Variants in CCER1 observed in about 807,000 individuals in gnomAD.
The protein encoded by CCER1 is coiled-coil domain-containing glutamate-rich protein 1.
For synonymous variants in CCER1, 246 were observed against 213.8 expected (o/e 1.15, Z -1.31); for missense variants, 573 against 524.5 (o/e 1.09, Z -0.90).
rs750273377 is a variant in CCER1 at position 90,953,741 on chromosome 12, C to A, written c.1002G>T (p.Glu334Asp). The change falls in exon 1 of 1, where the codon GAG becomes GAT. Residue 334 changes from glutamate (E) to aspartate (D), a missense_variant. Coordinates refer to ENST00000358859, the MANE Select transcript of CCER1 (RefSeq NM_152638.4). ...EAEYVEEGEE[E>D]LEEEELEEEE... ...CCTCTTCCAGCTCCTCCTCTTCCAG[C>A]TCCTCCTCTCCCTCCTCCACATATT... 2 of 1,583,160 alleles carry A rather than the reference C, an allele frequency of 1.3e-6. No homozygotes were observed. The highest frequency in any genetic ancestry group is 1.7e-6 in the Non-Finnish European group (2 of 1,151,898).
At position 90,955,097 on chromosome 12, in the gene CCER1, G is replaced by A. The variant is rs1015784622; in HGVS notation, c.-355C>T. 7 of 345,324 alleles carry A rather than the reference G, an allele frequency of 2.0e-5. No homozygotes were observed. Among genetic ancestry groups the A allele is most frequent in the Admixed American group, 1.4e-4 (3 of 22,066 alleles). 21.4% of individuals were successfully genotyped at this position (345,324 alleles called of 1,614,324 possible). A position where few individuals can be genotyped will look rare whatever the true frequency, so the allele number is the denominator to read the frequency against. On this transcript the variant is annotated 5_prime_UTR_variant, in exon 1 of 1. Coordinates refer to ENST00000358859, the MANE Select transcript of CCER1 (RefSeq NM_152638.4). ...CTCTGCTGAGGCACGGGCTGGGGCC[G>A]GGGGAGGCAGGGGTTGCGCAGTTAC...
chr12:90,953,314 G>A lies in CCER1; in HGVS notation c.*208C>T. The A allele has an allele frequency of 2.1e-6, 1 of 477,212 alleles. No homozygotes were observed. Among genetic ancestry groups the A allele is most frequent in the East Asian group, 3.3e-5 (1 of 30,144 alleles). 29.6% of individuals were successfully genotyped at this position (477,212 alleles called of 1,614,324 possible). On this transcript the variant is annotated 3_prime_UTR_variant, in exon 1 of 1. Transcript: ENST00000358859. ...AATACTTGGCCTTTAATCAGTTCCA[G>A]TAAAATTATATTTGAAAGCTTCCCC...
chr12:90,953,646 G>A lies in CCER1; in HGVS notation c.1097C>T (p.Ser366Leu). The A allele has an allele frequency of 5.6e-6, 9 of 1,614,124 alleles. No homozygotes were observed. The highest frequency in any genetic ancestry group is 7.6e-6 in the Non-Finnish European group (9 of 1,180,022). ...CTTTTCTTCAGCCTCTACGAAGATTGATAAAGGCATTTCCAGAGGCAAGTG... is the reference window on the plus strand; with the variant it reads ...CTTTTCTTCAGCCTCTACGAAGATTAATAAAGGCATTTCCAGAGGCAAGTG... The part of the protein sequence containing the change: ...EFHLPLEMPL[S>L]IFVEAEEKRE... The change falls in exon 1 of 1, where the codon TCA becomes TTA. Residue 366 changes from serine (S) to leucine (L), a missense_variant. Transcript: ENST00000358859.
In CCER1 at chr12:90,954,435, G is replaced by A. The variant is rs1876584348; in HGVS notation, c.308C>T (p.Pro103Leu). 3 of 1,611,398 alleles carry A rather than the reference G, an allele frequency of 1.9e-6. No homozygotes were observed. Among genetic ancestry groups the A allele is most frequent in the African/African-American group, 1.3e-5 (1 of 74,866 alleles). The change falls in exon 1 of 1, where the codon CCC (proline) becomes CTC (leucine). Residue 103 changes from proline (P) to leucine (L), a missense_variant. Pro to Leu is a moderately conservative substitution (Grantham distance 98). Coordinates refer to ENST00000358859, the MANE Select transcript of CCER1 (RefSeq NM_152638.4). ...CACCCGAAACACTTGCACCGGGCAGGGGAATTTCCAGAATCCTGGAGGGGG... is the reference window on the plus strand; with the variant it reads ...CACCCGAAACACTTGCACCGGGCAGAGGAATTTCCAGAATCCTGGAGGGGG... The part of the protein sequence containing the change: ...RPPPPGFWKF[P>L]CPVQVFRVYG...
rs776881002 is a variant in CCER1 at position 90,953,939 on chromosome 12, G to GT, written c.803dup (p.Asn268LysfsTer18). ...CCACCAGCAGCGGGGCAAGAGACTG[G>GT]TTTTCCTCTGGGTTGGGACTGAATG... On this transcript the variant is annotated frameshift_variant, in exon 1 of 1. Transcript: ENST00000358859. LOFTEE classifies it low-confidence loss of function (END_TRUNC). 1.9e-5 allele frequency: 31 copies of GT among 1,614,156 alleles called. No individual in the cohort carries two copies. The Admixed American group carries it at 4.2e-4, about 22-fold the overall frequency.
chr12:90,953,587 G>A lies in CCER1; in HGVS notation c.1156C>T (p.Pro386Ser). 4 of 1,613,980 alleles carry A rather than the reference G, an allele frequency of 2.5e-6. No homozygotes were observed. The highest frequency in any genetic ancestry group is 2.5e-6 in the Non-Finnish European group (3 of 1,179,976). The stretch of plus-strand genomic sequence containing the variant: ...GGCACTTTGGGAATTATCTGCTCTG[G>A]GTTTAAAAAAGTGCAGCTTATAAAG... ...ENFISCTFLNPEQIIPKVPQE... is the reference protein window; with the variant it reads ...ENFISCTFLNSEQIIPKVPQE... The change falls in exon 1 of 1, where the codon CCA becomes TCA. Residue 386 changes from proline to serine, a missense_variant. Pro to Ser is a moderately conservative substitution (Grantham distance 74). Transcript: ENST00000358859.
rs1264208089 is a variant in CCER1 at position 90,954,413 on chromosome 12, C to T, written c.330G>A (p.Arg110=). ...WKFPCPVQVF[R]VYGLHPLCFC... ...AGCAGAGAGGGTGCAGGCCATACAC[C>T]CGAAACACTTGCACCGGGCAGGGGA... Residue 110 remains arginine, a synonymous_variant, in exon 1 of 1, where the codon CGG becomes CGA. Transcript: ENST00000358859. The T allele has an allele frequency of 6.2e-7, 1 of 1,612,328 alleles. No homozygotes were observed. Among genetic ancestry groups the T allele is most frequent in the South Asian group, 1.1e-5 (1 of 91,038 alleles).
At position 90,953,289 on chromosome 12, in the gene CCER1, A is replaced by C; in HGVS notation, c.*233T>G. 1 of 410,388 alleles carries C rather than the reference A, an allele frequency of 2.4e-6. No individual in the cohort carries two copies. Among genetic ancestry groups the C allele is most frequent in the Non-Finnish European group, 4.3e-6 (1 of 234,946 alleles). The allele number at this position is 410,388 out of a possible 1,614,324, so 25.4% of individuals were successfully genotyped here. A position where few individuals can be genotyped will look rare whatever the true frequency, so the allele number is the denominator to read the frequency against. On this transcript the variant is annotated 3_prime_UTR_variant, in exon 1 of 1. Coordinates refer to ENST00000358859, the MANE Select transcript of CCER1 (RefSeq NM_152638.4). ...GAAAATATTCAAATGGTAGTAATAAAATACTTGGCCTTTAATCAGTTCCAG... is the reference window on the plus strand; with the variant it reads ...GAAAATATTCAAATGGTAGTAATAACATACTTGGCCTTTAATCAGTTCCAG...
Position 90,954,651 on chromosome 12 carries a change from G to T in CCER1, c.92C>A (p.Ser31Tyr). Residue 31 changes from serine to tyrosine, a missense_variant, in exon 1 of 1, where the codon TCC becomes TAC. Ser to Tyr is a moderately radical substitution (Grantham distance 144). Transcript: ENST00000358859. ...GCGCGWAHSA[S>Y]LSSWSSCHRR... The stretch of plus-strand genomic sequence containing the variant: ...ATGGCAGGACGACCAGGAGCTCAAG[G>T]AGGCCGAGTGTGCCCAGCCACAGCC... 6.2e-7 allele frequency: 1 copy of T among 1,603,952 alleles called. No individual in the cohort carries two copies. Among genetic ancestry groups the T allele is most frequent in the Non-Finnish European group, 8.5e-7 (1 of 1,176,280 alleles).
rs1275326921 is a variant in CCER1, at chr12:90,952,435, TTA to T, written c.*1085_*1086del. The T allele has an allele frequency of 6.6e-6, 1 of 152,238 alleles. No individual in the cohort carries two copies. The highest frequency in any genetic ancestry group is 1.5e-5 in the Non-Finnish European group (1 of 68,036). 9.4% of individuals were successfully genotyped at this position (152,238 alleles called of 1,614,324 possible). ...TGGAAATATGCTATGGATGGAACTT[TTA>T]TCAACTGTCCAGGAAGAAATGTATT... is the stretch of plus-strand genomic sequence containing the variant. On this transcript the variant is annotated 3_prime_UTR_variant, in exon 1 of 1. Transcript: ENST00000358859.
In CCER1 at chr12:90,953,643, A is replaced by T. The variant is rs751135601; in HGVS notation, c.1100T>A (p.Ile367Asn). The T allele has an allele frequency of 6.2e-7, 1 of 1,614,176 alleles. No homozygotes were observed. The highest frequency in any genetic ancestry group is 1.1e-5 in the South Asian group (1 of 91,078). The change falls in exon 1 of 1, where the codon ATC becomes AAC. Residue 367 changes from isoleucine to asparagine, a missense_variant. Ile to Asn is a moderately radical substitution (Grantham distance 149). Coordinates refer to ENST00000358859, the MANE Select transcript of CCER1 (RefSeq NM_152638.4). ...TCTCTTTTCTTCAGCCTCTACGAAG[A>T]TTGATAAAGGCATTTCCAGAGGCAA... is the stretch of plus-strand genomic sequence containing the variant. ...FHLPLEMPLS[I>N]FVEAEEKREN...
At position 90,954,773 on chromosome 12, in the gene CCER1, T is replaced by A. The variant is rs1412318142; in HGVS notation, c.-31A>T. 2 of 1,523,896 alleles carry A rather than the reference T, an allele frequency of 1.3e-6. No homozygotes were observed. The highest frequency in any genetic ancestry group is 2.5e-5 in the South Asian group (2 of 80,848). 94.4% of individuals were successfully genotyped at this position (1,523,896 alleles called of 1,614,324 possible). ...AGGGAGCTCCGAGAGGTCCAGATGG[T>A]AGCGACCTGAAGCTGTCGTCAAGTT... On this transcript the variant is annotated 5_prime_UTR_variant, in exon 1 of 1. Coordinates refer to ENST00000358859, the MANE Select transcript of CCER1 (RefSeq NM_152638.4).
rs766730972 is a variant in CCER1, at chr12:90,954,150, T to G, written c.593A>C (p.Tyr198Ser). Residue 198 changes from tyrosine (Y) to serine (S), a missense_variant, in exon 1 of 1, where the codon TAC becomes TCC. Coordinates refer to ENST00000358859, the MANE Select transcript of CCER1 (RefSeq NM_152638.4). ...CTTCTCCTGCTGCCTCATGTCCTCG[T>G]AGATCTGGTTCATGATGAATTGGGT... is the stretch of plus-strand genomic sequence containing the variant. ...NTTQFIMNQIYEDMRQQEKVE... is the reference protein window; with the variant it reads ...NTTQFIMNQISEDMRQQEKVE... 7 of 1,611,462 alleles carry G rather than the reference T, an allele frequency of 4.3e-6. No individual in the cohort carries two copies. The Admixed American group carries it at 8.3e-5, about 19-fold the overall frequency.
At position 90,955,130 on chromosome 12, in the gene CCER1, T is replaced by C; in HGVS notation, c.-388A>G. On this transcript the variant is annotated 5_prime_UTR_variant, in exon 1 of 1. Transcript: ENST00000358859. Reference sequence around the variant, plus strand: ...CAGGGGTTGCGCAGTTACCTGCTGCTCCCTCTCAACCCAGGTGCTTCACTG... The same window carrying C: ...CAGGGGTTGCGCAGTTACCTGCTGCCCCCTCTCAACCCAGGTGCTTCACTG... 1 of 270,512 alleles carries C rather than the reference T, an allele frequency of 3.7e-6. No homozygotes were observed. Among genetic ancestry groups the C allele is most frequent in the Admixed American group, 5.0e-5 (1 of 19,846 alleles). The allele number at this position is 270,512 out of a possible 1,614,324, so 16.8% of individuals were successfully genotyped here. A position where few individuals can be genotyped will look rare whatever the true frequency, so the allele number is the denominator to read the frequency against.
chr12:90,952,626 A>T lies in CCER1; in HGVS notation c.*896T>A, dbSNP rs1876503527. ...AAGACAAATTCAAAAACAAAATAAG[A>T]TATTCCACCCCCAAAAGGTAGATAA... is the stretch of plus-strand genomic sequence containing the variant. On this transcript the variant is annotated 3_prime_UTR_variant, in exon 1 of 1. Coordinates refer to ENST00000358859, the MANE Select transcript of CCER1 (RefSeq NM_152638.4). 6.6e-6 allele frequency: 1 copy of T among 152,348 alleles called. No individual in the cohort carries two copies. The highest frequency in any genetic ancestry group is 6.5e-5 in the Admixed American group (1 of 15,270). The allele number at this position is 152,348 out of a possible 1,614,324, so 9.4% of individuals were successfully genotyped here.
Position 90,955,069 on chromosome 12 carries a change from C to G in CCER1, c.-327G>C, listed in dbSNP as rs1428742933. On this transcript the variant is annotated 5_prime_UTR_variant, in exon 1 of 1. Coordinates refer to ENST00000358859, the MANE Select transcript of CCER1 (RefSeq NM_152638.4). ...CCCACTCCCGGGTCCCCACCACACC[C>G]GGCTCTGCTGAGGCACGGGCTGGGG... The G allele has an allele frequency of 2.4e-6, 1 of 413,236 alleles. No homozygotes were observed. Among genetic ancestry groups the G allele is most frequent in the Admixed American group, 4.1e-5 (1 of 24,170 alleles). 25.6% of individuals were successfully genotyped at this position (413,236 alleles called of 1,614,324 possible).
chr12:90,954,003 T>A lies in CCER1; in HGVS notation c.740A>T (p.Gln247Leu). The A allele has an allele frequency of 1.2e-6, 2 of 1,614,232 alleles. No homozygotes were observed. The highest frequency in any genetic ancestry group is 4.5e-5 in the East Asian group (2 of 44,868). Residue 247 changes from glutamine to leucine, a missense_variant, in exon 1 of 1, where the codon CAG (glutamine) becomes CTG (leucine). Coordinates refer to ENST00000358859, the MANE Select transcript of CCER1 (RefSeq NM_152638.4). ...CTGCACAAAGCCATACAGAGTTTCC[T>A]GCAGTCCCCAGGTTTCCTTGCTGCC... ...PGGSKETWGL[Q>L]ETLYGFVQNP... is the part of the protein sequence containing the mutation.
chr12:90,953,899 T>A lies in CCER1; in HGVS notation c.844A>T (p.Lys282Ter), dbSNP rs1555214006. 1.9e-6 allele frequency: 3 copies of A among 1,613,880 alleles called. No individual in the cohort carries two copies. The South Asian group carries it at 3.3e-5, about 18-fold the overall frequency. The change falls in exon 1 of 1, where the codon AAG (lysine) becomes TAG (stop). Residue 282 changes from lysine (K) to a stop codon, truncating the protein, a stop_gained. Transcript: ENST00000358859. LOFTEE classifies it low-confidence loss of function (END_TRUNC). Reference sequence around the variant, plus strand: ...TACTCCTCCTCATCATCATTTTTCTTCTCCTCCTCTTCTTCCACCAGCAGC... The same window carrying A: ...TACTCCTCCTCATCATCATTTTTCTACTCCTCCTCTTCTTCCACCAGCAGC... ...APLLVEEEEE[K>*]KNDDEEEYDQ...
Position 90,954,181 on chromosome 12 carries a change from TG to T in CCER1, c.561del (p.Asn188ThrfsTer7). On this transcript the variant is annotated frameshift_variant, in exon 1 of 1. Transcript: ENST00000358859. LOFTEE classifies it low-confidence loss of function (END_TRUNC). ...EWREPGMRAPPNTTQFIMNQI... is the reference protein window; with the variant it reads ...EWREPGMRAPXNTTQFIMNQI... ...TGGTTCATGATGAATTGGGTGGTGT[TG>T]GGCGGCGCTCGCATGCCAGGCTCTC... 6.2e-7 allele frequency: 1 copy of T among 1,610,226 alleles called. No individual in the cohort carries two copies.
Sources: allele counts gnomAD v4.1 joint callset, GRCh38; gene constraint gnomAD v4.1.1; transcripts MANE v1.5; gene names NCBI Gene and HGNC (gene_info 2026-07-23, HGNC 2026-07-21).